Variants in UNC5B observed in about 807,000 individuals in gnomAD.
The protein encoded by UNC5B is unc-5 netrin receptor B.
In UNC5B, 56 loss-of-function variants were observed where a neutral mutation model predicts 103.7. That is an observed-to-expected ratio of 0.54 (90% CI 0.44 to 0.67). UNC5B has a LOEUF of 0.67. Among genes scored for constraint, UNC5B ranks in the 30% least tolerant of loss-of-function variants. The pLI is 0.00. For missense variants in UNC5B, 1,194 were observed against 1,284.5 expected, an observed-to-expected ratio of 0.93 and a Z score of 1.08; for synonymous variants, 577 against 542.0, an observed-to-expected ratio of 1.06 and a Z score of -0.90.
At chr10:71,229,004 C>T (rs886778794) in intron 1 of UNC5B, among the ~76,000 whole-genome samples, 3 of 152,192 alleles carry the variant, frequency 2.0e-5, no homozygotes, top group Admixed American at 6.5e-5. Flanking sequence ...TTATCCCCTG[C>T]GCACCTCCCT....
At chr10:71,243,004 G>A (rs908117357) in intron 1 of UNC5B, among the ~76,000 whole-genome samples, 5 of 152,106 alleles carry the variant, frequency 3.3e-5, no homozygotes, top group Admixed American at 6.5e-5. Flanking sequence ...AGGCTGAAGC[G>A]GGCGGATCAC....
At chr10:71,221,576 T>G (rs538525426) in intron 1 of UNC5B, among the ~76,000 whole-genome samples, 1 of 152,294 alleles carries the variant, frequency 6.6e-6, no homozygotes, top group East Asian at 1.9e-4. Flanking sequence ...GTCAGAAGCT[T>G]AAAAACCATG....
intron 8 of UNC5B, among the ~76,000 whole-genome samples, chr10:71,290,045 C>T (rs1050849773): frequency 6.6e-6 from 1 of 152,222 alleles, no homozygotes; most frequent in Non-Finnish European, 1.5e-5. Flanking sequence ...GCCATTTTTG[C>T]TCTCCCTGAA....
chr10:71,275,708 A>T (rs1310000121), intron 1 of UNC5B, among the ~76,000 whole-genome samples: 1 of 152,088 alleles, frequency 6.6e-6, no homozygotes, highest in African/African-American at 2.4e-5. Flanking sequence ...TATCCAACTC[A>T]TAGGCTTGTG....
chr10:71,272,756 G>A (rs1425551364), intron 1 of UNC5B, among the ~76,000 whole-genome samples: 3 of 152,188 alleles, frequency 2.0e-5, no homozygotes, highest in African/African-American at 7.2e-5. Flanking sequence ...TCTGTGTCTG[G>A]TCTACGTGGG....
intron 6 of UNC5B, 34 bp from the exon 7 acceptor site, chr10:71,288,534 C>G (rs375516947): frequency 3.8e-6 from 6 of 1,597,778 alleles, no homozygotes; most frequent in Non-Finnish European, 5.1e-6. Flanking sequence ...CATGTCTCTG[C>G]GTGCACATGC....
rs1196235757 is a variant in UNC5B, at chr10:71,260,478, T to C, written c.80-19343T>C. Among the ~76,000 whole-genome samples, 3 of 152,222 alleles carry C rather than the reference T, an allele frequency of 2.0e-5. No individual in the cohort carries two copies. In the East Asian group the frequency reaches 5.8e-4, roughly 29 times the overall value. On this transcript the variant is annotated intron_variant, in intron 1 of 16. Transcript: ENST00000335350. ...ATGCCCTCCGGTCCAGGCCCAGTGC[T>C]GCTGGGTGAGGCAGGCACCTCCCAA...
chr10:71,237,333 A>G (rs949465228), intron 1 of UNC5B, among the ~76,000 whole-genome samples: 1 of 151,934 alleles, frequency 6.6e-6, no homozygotes, highest in Non-Finnish European at 1.5e-5. Context: ...CTCGTCTTCA[A>G]CCACAAAGTG....
chr10:71,238,483 C>G (rs1222364312), intron 1 of UNC5B, among the ~76,000 whole-genome samples: 1 of 152,116 alleles, frequency 6.6e-6, no homozygotes, highest in Non-Finnish European at 1.5e-5. Context: ...CTTACATTTG[C>G]ATTTATTTTT....
At chr10:71,285,196 C>A (rs950593521) in intron 3 of UNC5B, 130 bp from the exon 4 acceptor site, 1 of 1,004,018 alleles carries the variant, frequency 1.0e-6, no homozygotes, top group Non-Finnish European at 1.5e-6. Flanking sequence ...GGAAATTTCC[C>A]AGGCAAAGGC....
Position 71,213,016 on chromosome 10 carries a change from C to T in UNC5B, c.31C>T (p.Leu11=), listed in dbSNP as rs929085240. 7.1e-7 allele frequency: 1 copy of T among 1,417,442 alleles called. No individual in the cohort carries two copies. The highest frequency in any genetic ancestry group is 9.3e-7 in the Non-Finnish European group (1 of 1,079,618). 87.8% of individuals were successfully genotyped at this position (1,417,442 alleles called of 1,614,324 possible). ...GGCCCGGAGCGGAGCTCGGGGCGCG[C>T]TGCTGCTGGCACTGCTGCTCTGCTG... MGARSGARGA[L]LLALLLCWDP... is the part of the protein sequence containing the mutation. The change falls in exon 1 of 17, where the codon CTG becomes TTG. Residue 11 remains leucine, a synonymous_variant. Coordinates refer to ENST00000335350, the MANE Select transcript of UNC5B (RefSeq NM_170744.5). This position sits in a 1 kb window ranked among gnomAD's most constrained non-coding sequence, Gnocchi z 4.1.
intron 1 of UNC5B, among the ~76,000 whole-genome samples, chr10:71,227,661 TATATACACATATATACATATATATACAC>T: frequency 6.9e-6 from 1 of 145,910 alleles, no homozygotes; most frequent in Non-Finnish European, 1.5e-5. Flanking sequence ...TATATACATA[TATATACACATATATACATATATATACAC>T]ATATATATAC....
intron 1 of UNC5B, among the ~76,000 whole-genome samples, chr10:71,214,469 A>G (rs1564701594): frequency 6.6e-6 from 1 of 151,918 alleles, no homozygotes; most frequent in Non-Finnish European, 1.5e-5. Context: ...GAAGGTAATG[A>G]TGGGGATGGG....
At position 71,247,835 on chromosome 10, in the gene UNC5B, C is replaced by T. The variant is rs74756351; in HGVS notation, c.80-31986C>T. Among the ~76,000 whole-genome samples, 9 of 152,190 alleles carry T rather than the reference C, an allele frequency of 5.9e-5. No homozygotes were observed. The East Asian group carries it at 1.7e-3, about 29-fold the overall frequency. On this transcript the variant is annotated intron_variant, in intron 1 of 16. Coordinates refer to ENST00000335350, the MANE Select transcript of UNC5B (RefSeq NM_170744.5). ...TTTTGCTTTGCCCTGGGATGTAGGA[C>T]CCAAGTGAAGTAAGGCTCCCTAGTG...
At chr10:71,216,768 A>AG (rs1411606710) in intron 1 of UNC5B, among the ~76,000 whole-genome samples, 1 of 152,040 alleles carries the variant, frequency 6.6e-6, no homozygotes, top group African/African-American at 2.4e-5. Context: ...TGAGCCACAG[A>AG]GGTTTTCTAA....
At chr10:71,214,906 C>T (rs1057196619) in intron 1 of UNC5B, among the ~76,000 whole-genome samples, 2 of 152,170 alleles carry the variant, frequency 1.3e-5, no homozygotes, top group Non-Finnish European at 2.9e-5. Context: ...CCTCTAATAC[C>T]CGGCTTTGAT....
chr10:71,239,697 A>G (rs1201677074), intron 1 of UNC5B, among the ~76,000 whole-genome samples: 2 of 152,146 alleles, frequency 1.3e-5, no homozygotes, highest in African/African-American at 2.4e-5. Context: ...GGGGGCGGGC[A>G]GTGGGCACAC....
chr10:71,253,643 G>T (rs1844226001), intron 1 of UNC5B, among the ~76,000 whole-genome samples: 1 of 152,192 alleles, frequency 6.6e-6, no homozygotes. Flanking sequence ...CCTGGTTCCT[G>T]GCTGAAAGCA....
Position 71,289,377 on chromosome 10 carries a change from C to T in UNC5B, c.1099+387C>T, listed in dbSNP as rs557522148. Among the ~76,000 whole-genome samples the T allele has an allele frequency of 5.5e-4, 83 of 152,292 alleles. 1 individual carries two copies. The South Asian group carries it at 0.017, about 31-fold the overall frequency. ...TTGGCCCTCCTCTCTGGGCCAAGGC[C>T]GGGACATCACCACTCCAGTCCCCCC... On this transcript the variant is annotated intron_variant, in intron 8 of 16. Coordinates refer to ENST00000335350, the MANE Select transcript of UNC5B (RefSeq NM_170744.5).
Sources: gnomAD v4.1 joint callset for allele counts (sites outside exome capture counted in the v4.1 genomes callset) on GRCh38, gnomAD v4.1.1 for gene constraint, Gnocchi (gnomAD v3.1) non-coding constraint, MANE v1.5 for transcripts, NCBI Gene and HGNC (gene_info 2026-07-23, HGNC 2026-07-21) for gene names.